The following ZNF248 variants were observed in gnomAD, a reference collection of about 807,000 sequenced individuals.
ZNF248 encodes zinc finger protein 248, also known as KRAB protein domain.
In ZNF248, 20 loss-of-function variants were observed where a neutral mutation model predicts 44.3. The ratio of observed to expected loss-of-function variants is 0.45; its 90% CI spans 0.32 to 0.66. ZNF248 has a LOEUF of 0.66. Ranked by LOEUF, ZNF248 falls within the 30% of genes least tolerant of loss-of-function variation. The pLI is 0.04. For missense variants in ZNF248, 654 were observed against 677.0 expected (o/e 0.97, Z 0.38); for synonymous variants, 224 against 229.0 (o/e 0.98, Z 0.20).
chr10:37,778,200 G>A (rs2132822030), intron 6 of ZNF248, among the ~76,000 whole-genome samples: 1 of 151,800 alleles, frequency 6.6e-6, no homozygotes, highest in Middle Eastern at 3.4e-3. Flanking sequence ...AGCACCTGTT[G>A]TTTCCTGACT....
At chr10:37,795,489 T>C (rs2049045487) in intron 6 of ZNF248, 1 of 152,184 alleles carries the variant, frequency 6.6e-6, no homozygotes, top group Admixed American at 6.5e-5. Flanking sequence ...GCGTTTTTTT[T>C]TCCCCCTCTC....
intron 3 of ZNF248, among the ~76,000 whole-genome samples, chr10:37,841,608 C>G (rs1057462275): frequency 6.6e-6 from 1 of 152,192 alleles, no homozygotes; most frequent in African/African-American, 2.4e-5. Flanking sequence ...ACTCTGCCAT[C>G]AAGGAGGTGT....
At chr10:37,796,276 C>T (rs2049146171) in intron 6 of ZNF248, among the ~76,000 whole-genome samples, 1 of 150,720 alleles carries the variant, frequency 6.6e-6, no homozygotes, top group Non-Finnish European at 1.5e-5. Flanking sequence ...AGTGCAGTGG[C>T]ACAATCTTGG....
At position 37,829,621 on chromosome 10, in the gene ZNF248, T is replaced by G. The variant is rs895644483; in HGVS notation, c.*1994A>C. 164 of 985,256 alleles carry G rather than the reference T, an allele frequency of 1.7e-4. No homozygotes were observed. In the African/African-American group the frequency reaches 2.7e-3, roughly 16 times the overall value. 61.0% of individuals were successfully genotyped at this position (985,256 alleles called of 1,614,324 possible). ...TAGAGAACAGGTATAGAGAGCAGAG[T>G]AGCTCGGCAACGTCACCTCTGAGCT... is the stretch of plus-strand genomic sequence containing the variant. On this transcript the variant is annotated 3_prime_UTR_variant, in exon 6 of 6. Transcript: ENST00000395867.
intron 6 of ZNF248, among the ~76,000 whole-genome samples, chr10:37,776,862 C>A (rs1355848649): frequency 2.0e-5 from 3 of 152,140 alleles, no homozygotes; most frequent in Admixed American, 2.0e-4. Context: ...TGACCTTCAC[C>A]ATTTCACTTG....
intron 3 of ZNF248, among the ~76,000 whole-genome samples, chr10:37,853,066 G>A (rs574583785): frequency 2.0e-5 from 3 of 152,074 alleles, no homozygotes; most frequent in South Asian, 2.1e-4. Context: ...TTTCACCCTC[G>A]ATCTCTTGAC....
intron 6 of ZNF248, among the ~76,000 whole-genome samples, chr10:37,780,975 G>C (rs191487278): frequency 6.6e-6 from 1 of 151,230 alleles, no homozygotes; most frequent in Non-Finnish European, 1.5e-5. Flanking sequence ...GGGACCGTGC[G>C]GGACACGTTT....
At chr10:37,850,099 T>C (rs2059979762) in intron 3 of ZNF248, among the ~76,000 whole-genome samples, 1 of 152,072 alleles carries the variant, frequency 6.6e-6, no homozygotes, top group South Asian at 2.1e-4. Flanking sequence ...ACAAAGCACC[T>C]CAGGCTTGTT....
chr10:37,847,416 T>C (rs188126239), intron 3 of ZNF248, among the ~76,000 whole-genome samples: 2 of 152,294 alleles, frequency 1.3e-5, no homozygotes, highest in East Asian at 1.9e-4. Flanking sequence ...GTACAACGGA[T>C]TTAGGTAACA....
intron 6 of ZNF248, among the ~76,000 whole-genome samples, chr10:37,788,801 A>C (rs1208779): frequency 0.21 from 32,072 of 152,094 alleles, 3,592 homozygotes; most frequent in Middle Eastern, 0.28. Context: ...TATGGATGAA[A>C]CTAAAACAAT....
At chr10:37,847,764 A>C (rs2059567304) in intron 3 of ZNF248, among the ~76,000 whole-genome samples, 1 of 152,234 alleles carries the variant, frequency 6.6e-6, no homozygotes, top group South Asian at 2.1e-4. Flanking sequence ...GATTCAAAAT[A>C]ATCTCAGCAG....
intron 6 of ZNF248, chr10:37,818,814 C>A: frequency 3.4e-6 from 3 of 870,560 alleles, no homozygotes; most frequent in Non-Finnish European, 5.7e-6. Flanking sequence ...TTGGTGGGAA[C>A]TGCACTTCAG....
rs537643801 is a variant in ZNF248, at chr10:37,834,474, G to A, written c.239-1358C>T. 1.1e-4 allele frequency among the ~76,000 whole-genome samples: 17 copies of A among 152,268 alleles called. No homozygotes were observed. The South Asian group carries it at 3.5e-3, about 32-fold the overall frequency. ...GAGTATCATAGAATACTTTCAGAAT[G>A]TATGAAAATGAATGATCTCTCCTAA... On this transcript the variant is annotated intron_variant, in intron 5 of 5. Transcript: ENST00000395867.
chr10:37,789,522 G>A (rs1273759545), intron 6 of ZNF248, among the ~76,000 whole-genome samples: 2 of 152,150 alleles, frequency 1.3e-5, no homozygotes, highest in Non-Finnish European at 2.9e-5. Context: ...CCTTCTCAGT[G>A]CTTTCAAGGG....
At chr10:37,858,054 A>T (rs1050804241), upstream of ZNF248, 1 of 152,238 alleles carries the variant, frequency 6.6e-6, no homozygotes, top group Admixed American at 6.5e-5. Flanking sequence ...CCCACAAGGG[A>T]CTGGAGTCCA....
chr10:37,791,984 GCTGGGATACTCTC>G (rs2048605350), intron 6 of ZNF248: 1 of 152,234 alleles, frequency 6.6e-6, no homozygotes, highest in African/African-American at 2.4e-5. Context: ...AGCATGAGTA[GCTGGGATACTCTC>G]TTGCAGAAGA....
At chr10:37,833,357 T>C (rs757816909) in intron 5 of ZNF248, among the ~76,000 whole-genome samples, 60 of 152,224 alleles carry the variant, frequency 3.9e-4, no homozygotes, top group Admixed American at 1.6e-3. Context: ...TTTATAAATA[T>C]AACCTTCAAA....
At chr10:37,821,885 A>C (rs10827831) in intron 6 of ZNF248, among the ~76,000 whole-genome samples, 20,170 of 152,178 alleles carry the variant, frequency 0.13, 1,429 homozygotes, top group Admixed American at 0.2. Flanking sequence ...AACCAATTCC[A>C]ATTCCAAAGT....
At chr10:37,775,691 AATATT>A (rs2046531267), downstream of ZNF248, among the ~76,000 whole-genome samples, 1 of 152,220 alleles carries the variant, frequency 6.6e-6, no homozygotes, top group South Asian at 2.1e-4. Context: ...TTCAACAAAT[AATATT>A]ATATCAGAAG....
Sources: allele counts gnomAD v4.1 joint callset (sites outside exome capture counted in the v4.1 genomes callset), GRCh38; gene constraint gnomAD v4.1.1; transcripts MANE v1.5; gene names NCBI Gene and HGNC (gene_info 2026-07-23, HGNC 2026-07-21).